Variants in ZNF707 observed in about 807,000 individuals in gnomAD.
ZNF707 encodes the protein zinc finger protein 707.
Under a neutral mutation model 13.3 loss-of-function variants are expected in ZNF707, and 8 were observed. The observed-to-expected ratio is 0.60, with a 90% CI of 0.35 to 1.09. The LOEUF is 1.09. ZNF707 is among the 50% of genes least tolerant of loss of function. ZNF707 has a pLI of 0.02. For missense variants in ZNF707, 530 were observed against 512.6 expected, an observed-to-expected ratio of 1.03 and a Z score of -0.33; for synonymous variants, 225 against 205.6, an observed-to-expected ratio of 1.09 and a Z score of -0.81.
rs28726175 is a variant in ZNF707, at chr8:143,692,596, G to A, written c.256+883G>A. Among the ~76,000 whole-genome samples, 219 of 43,180 alleles carry A rather than the reference G, an allele frequency of 5.1e-3. 6 individuals carry two copies. The highest frequency in any genetic ancestry group is 0.016 in the Middle Eastern group (1 of 64). The allele number at this position is 43,180 out of a possible 152,430, so 28.3% of individuals were successfully genotyped here. The stretch of plus-strand genomic sequence containing the variant: ...GTGTGGAGCCCCCGGCTGGGGAGGT[G>A]TCGGATCCCCGGGTGTGTGGAGCCC... On this transcript the variant is annotated intron_variant, in intron 5 of 5. Coordinates refer to ENST00000358656, the MANE Select transcript of ZNF707 (RefSeq NM_001100598.2).
intron 1 of ZNF707, chr8:143,686,927 A>G (rs6420188): frequency 0.68 from 102,123 of 150,686 alleles, 37,581 homozygotes; most frequent in Non-Finnish European, 0.84. Context: ...GCTGGAGTGC[A>G]ATGGCGCGAT....
At position 143,694,419 on chromosome 8, in the gene ZNF707, G is replaced by T; in HGVS notation, c.1005G>T (p.Arg335=). The T allele has an allele frequency of 1.2e-6, 2 of 1,612,474 alleles. No individual in the cohort carries two copies. Among genetic ancestry groups the T allele is most frequent in the Admixed American group, 3.3e-5 (2 of 59,960 alleles). ...GGCCCAAGGGCTTCAGCATCCACCG[G>T]AGGCTGCACCTGACGAAGAGGTTCT... is the stretch of plus-strand genomic sequence containing the variant. ...FRWPKGFSIH[R]RLHLTKRFYE... is the part of the protein sequence containing the mutation. The change falls in exon 6 of 6, where the codon CGG becomes CGT. Residue 335 remains arginine (R), a synonymous_variant. Transcript: ENST00000358656. The surrounding 1 kb of genome is among the most constrained non-coding windows in gnomAD (Gnocchi z 4.4).
At position 143,691,172 on chromosome 8, in the gene ZNF707, G is replaced by C. The variant is rs1189889890; in HGVS notation, c.115G>C (p.Asp39His). 6.2e-7 allele frequency: 1 copy of C among 1,613,420 alleles called. No individual in the cohort carries two copies. Among genetic ancestry groups the C allele is most frequent in the Non-Finnish European group, 8.5e-7 (1 of 1,179,648 alleles). Reference sequence around the variant, plus strand: ...GGCCCTCTACCGGGACGTGATGCTGGACAACTTCAGCAGTGTGGCTGCTCT... The same window carrying C: ...GGCCCTCTACCGGGACGTGATGCTGCACAACTTCAGCAGTGTGGCTGCTCT... ...QRALYRDVML[D>H]NFSSVAALGF... Residue 39 changes from aspartate (D) to histidine (H), a missense_variant, in exon 4 of 6, where the codon GAC (aspartate) becomes CAC (histidine). By Grantham distance (81) the Asp-to-His change is moderately conservative (BLOSUM62 -1). Transcript: ENST00000358656.
intron 1 of ZNF707, chr8:143,688,951 G>C (rs1322858909): frequency 6.6e-6 from 1 of 152,396 alleles, no homozygotes; most frequent in Non-Finnish European, 1.5e-5. Context: ...TTCGGTTTGG[G>C]TTTTGCTGGC....
At position 143,694,548 on chromosome 8, in the gene ZNF707, G is replaced by C. The variant is rs782141283; in HGVS notation, c.*18G>C. The C allele has an allele frequency of 7.0e-6, 11 of 1,570,982 alleles. No homozygotes were observed. On this transcript the variant is annotated 3_prime_UTR_variant, in exon 6 of 6. Coordinates refer to ENST00000358656, the MANE Select transcript of ZNF707 (RefSeq NM_001100598.2). This position sits in a 1 kb window ranked among gnomAD's most constrained non-coding sequence, Gnocchi z 4.4. The stretch of plus-strand genomic sequence containing the variant: ...AGGTGTAGGGGCGCCCGAAGAGTGG[G>C]GTGCTGCGCCTCTGCGGGAGTACTG...
At chr8:143,692,038 G>A (rs1816857014) in intron 5 of ZNF707, 17 of 1,398,516 alleles carry the variant, frequency 1.2e-5, no homozygotes, top group Non-Finnish European at 1.5e-5. Context: ...ATTGGTGTGG[G>A]TGTCTGACCT....
chr8:143,686,371 C>A (rs535092963), intron 1 of ZNF707, among the ~76,000 whole-genome samples: 1 of 151,918 alleles, frequency 6.6e-6, no homozygotes, highest in Admixed American at 6.6e-5. Flanking sequence ...CGCGAATGGC[C>A]GGGAGCTGTT....
At chr8:143,686,931 G>A (rs1816338157) in intron 1 of ZNF707, 1 of 151,682 alleles carries the variant, frequency 6.6e-6, no homozygotes, top group Admixed American at 6.6e-5. Flanking sequence ...GAGTGCAATG[G>A]CGCGATATCG....
Position 143,694,313 on chromosome 8 carries a change from A to G in ZNF707, c.899A>G (p.Lys300Arg), listed in dbSNP as rs781954454. ...GACTGCGGCAAAGCCTTCCGGACCA[A>G]GGAGAACCTCAGCCACCACCAGAGG... Reference protein sequence around the residue: ...CADCGKAFRTKENLSHHQRVH... With the variant: ...CADCGKAFRTRENLSHHQRVH... The change falls in exon 6 of 6, where the codon AAG (lysine) becomes AGG (arginine). Residue 300 changes from lysine to arginine, a missense_variant. By Grantham distance (26) the Lys-to-Arg change is conservative. Coordinates refer to ENST00000358656, the MANE Select transcript of ZNF707 (RefSeq NM_001100598.2). This position sits in a 1 kb window ranked among gnomAD's most constrained non-coding sequence, Gnocchi z 4.4. 2 of 1,602,332 alleles carry G rather than the reference A, an allele frequency of 1.2e-6. No homozygotes were observed. The highest frequency in any genetic ancestry group is 2.2e-5 in the East Asian group (1 of 44,602).
At chr8:143,686,104 T>C (rs1407347225) in intron 1 of ZNF707, among the ~76,000 whole-genome samples, 1 of 151,634 alleles carries the variant, frequency 6.6e-6, no homozygotes, top group African/African-American at 2.4e-5. Flanking sequence ...TTTGTTTTTG[T>C]TTTTGTTTTT....
At position 143,693,949 on chromosome 8, in the gene ZNF707, G is replaced by A. The variant is rs781959867; in HGVS notation, c.535G>A (p.Gly179Ser). The part of the protein sequence containing the change: ...QRAVELSFIC[G>S]TCGKALSCHS... The stretch of plus-strand genomic sequence containing the variant: ...CGCAGTAGAGCTGTCATTCATCTGC[G>A]GCACGTGCGGGAAGGCGCTCAGCTG... The change falls in exon 6 of 6, where the codon GGC (glycine) becomes AGC (serine). Residue 179 changes from glycine (G) to serine (S), a missense_variant. By Grantham distance (56) the Gly-to-Ser change is moderately conservative (BLOSUM62 0). Coordinates refer to ENST00000358656, the MANE Select transcript of ZNF707 (RefSeq NM_001100598.2). The surrounding 1 kb of genome is among the most constrained non-coding windows in gnomAD (Gnocchi z 4.1). The A allele has an allele frequency of 5.7e-5, 92 of 1,601,444 alleles. No homozygotes were observed. Among genetic ancestry groups the A allele is most frequent in the Non-Finnish European group, 7.5e-5 (88 of 1,175,412 alleles).
Position 143,694,387 on chromosome 8 carries a change from T to C in ZNF707, c.973T>C (p.Phe325Leu). 6.2e-7 allele frequency: 1 copy of C among 1,612,366 alleles called. No individual in the cohort carries two copies. The highest frequency in any genetic ancestry group is 8.5e-7 in the Non-Finnish European group (1 of 1,179,534). Residue 325 changes from phenylalanine to leucine, a missense_variant, in exon 6 of 6, where the codon TTC becomes CTC. Phe to Leu is a conservative substitution (Grantham distance 22). Coordinates refer to ENST00000358656, the MANE Select transcript of ZNF707 (RefSeq NM_001100598.2). This position sits in a 1 kb window ranked among gnomAD's most constrained non-coding sequence, Gnocchi z 4.4. Reference protein sequence around the residue: ...PYTCAECGKSFRWPKGFSIHR... With the variant: ...PYTCAECGKSLRWPKGFSIHR... ...CACCTGTGCCGAGTGCGGCAAGTCC[T>C]TCCGGTGGCCCAAGGGCTTCAGCAT...
chr8:143,693,558 G>A lies in ZNF707; in HGVS notation c.257-113G>A, dbSNP rs1817036796. 1 of 1,272,238 alleles carries A rather than the reference G, an allele frequency of 7.9e-7. No homozygotes were observed. The highest frequency in any genetic ancestry group is 1.0e-6 in the Non-Finnish European group (1 of 958,862). The allele number at this position is 1,272,238 out of a possible 1,614,324, so 78.8% of individuals were successfully genotyped here. On this transcript the variant is annotated intron_variant, in intron 5 of 5. Coordinates refer to ENST00000358656, the MANE Select transcript of ZNF707 (RefSeq NM_001100598.2). This position sits in a 1 kb window ranked among gnomAD's most constrained non-coding sequence, Gnocchi z 4.1. ...GATCCACCCGCCTCGGCCTCCCAAA[G>A]TGCTGGGATTACAGGCGTGAGCCAC...
Position 143,693,863 on chromosome 8 carries a change from G to T in ZNF707, c.449G>T (p.Cys150Phe). The part of the protein sequence containing the change: ...RTDAKPTAFP[C>F]QVLTQRCGRR... ...GACGCCAAGCCCACGGCTTTCCCGT[G>T]TCAGGTGCTCACGCAGCGTTGTGGG... The change falls in exon 6 of 6, where the codon TGT becomes TTT. Residue 150 changes from cysteine (C) to phenylalanine (F), a missense_variant. Transcript: ENST00000358656. This position sits in a 1 kb window ranked among gnomAD's most constrained non-coding sequence, Gnocchi z 4.1. 1 of 1,610,280 alleles carries T rather than the reference G, an allele frequency of 6.2e-7. No individual in the cohort carries two copies.
intron 1 of ZNF707, chr8:143,688,172 C>T (rs1816468373): frequency 6.6e-6 from 1 of 151,094 alleles, no homozygotes; most frequent in African/African-American, 2.4e-5. Flanking sequence ...GGGGTTTCAC[C>T]GTGTTAGCCA....
intron 4 of ZNF707, 152 bp downstream of exon 4, chr8:143,691,351 G>T: frequency 7.5e-7 from 1 of 1,335,140 alleles, no homozygotes; most frequent in African/African-American, 1.5e-5. Context: ...AGACAGAGGG[G>T]CCCACTCAGC....
chr8:143,690,065 T>A lies in ZNF707; in HGVS notation c.-44T>A. The A allele has an allele frequency of 6.2e-7, 1 of 1,609,122 alleles. No individual in the cohort carries two copies. The highest frequency in any genetic ancestry group is 8.5e-7 in the Non-Finnish European group (1 of 1,179,736). On this transcript the variant is annotated 5_prime_UTR_variant, in exon 3 of 6. Coordinates refer to ENST00000358656, the MANE Select transcript of ZNF707 (RefSeq NM_001100598.2). ...ATTTCTTGTCTCCCCAGATCTGCCC[T>A]CCTTGGCACTGTGCTTCCCCAGAGG...
rs550524693 is a variant in ZNF707, at chr8:143,692,158, G to A, written c.256+445G>A. ...CTCCACGTCCTTGTTTGCAAAACTG[G>A]GACAGTGGCCATGCTTCCCTCCATT... On this transcript the variant is annotated intron_variant, in intron 5 of 5. Coordinates refer to ENST00000358656, the MANE Select transcript of ZNF707 (RefSeq NM_001100598.2). 1.6e-5 allele frequency: 21 copies of A among 1,297,964 alleles called. No homozygotes were observed. In the South Asian group the frequency reaches 2.5e-4, roughly 15 times the overall value. The allele number at this position is 1,297,964 out of a possible 1,614,324, so 80.4% of individuals were successfully genotyped here.
chr8:143,693,990 C>G lies in ZNF707; in HGVS notation c.576C>G (p.Leu192=). 6.2e-7 allele frequency: 1 copy of G among 1,603,090 alleles called. No individual in the cohort carries two copies. The highest frequency in any genetic ancestry group is 1.1e-5 in the South Asian group (1 of 89,958). ...CGCTCAGCTGCCACAGCCGGCTGCT[C>G]GCTCACCAGACGGTGCACACGGGAA... ...GKALSCHSRL[L]AHQTVHTGTK... Residue 192 remains leucine (L), a synonymous_variant, in exon 6 of 6, where the codon CTC becomes CTG. Coordinates refer to ENST00000358656, the MANE Select transcript of ZNF707 (RefSeq NM_001100598.2). This position sits in a 1 kb window ranked among gnomAD's most constrained non-coding sequence, Gnocchi z 4.1.
Sources: gnomAD v4.1 joint callset for allele counts (sites outside exome capture counted in the v4.1 genomes callset) on GRCh38, gnomAD v4.1.1 for gene constraint, Gnocchi (gnomAD v3.1) non-coding constraint, MANE v1.5 for transcripts, NCBI Gene and HGNC (gene_info 2026-07-23, HGNC 2026-07-21) for gene names.